SNTG1: variants seen among roughly 807,000 people sequenced by gnomAD.
SNTG1 encodes gamma-1-syntrophin.
In SNTG1, 39 loss-of-function variants were observed where a neutral mutation model predicts 74.7. The ratio of observed to expected loss-of-function variants is 0.52; its 90% confidence interval spans 0.40 to 0.68. SNTG1 has a LOEUF of 0.68. SNTG1 is among the 30% of genes least tolerant of loss of function. The pLI is 0.00. For missense variants in SNTG1, 685 were observed against 609.5 expected, an observed-to-expected ratio of 1.12 and a Z score of -1.30; for synonymous variants, 254 against 217.1, an observed-to-expected ratio of 1.17 and a Z score of -1.49.
intron 1 of SNTG1, among the ~76,000 whole-genome samples, chr8:49,956,311 C>T (rs532332243): frequency 6.6e-6 from 1 of 152,274 alleles, no homozygotes; most frequent in South Asian, 2.1e-4. Flanking sequence ...AACAAACAAC[C>T]CAAACAGTGT....
At chr8:50,516,743 GA>G (rs1439815739) in intron 9 of SNTG1, among the ~76,000 whole-genome samples, 1 of 151,962 alleles carries the variant, frequency 6.6e-6, no homozygotes, top group Non-Finnish European at 1.5e-5. Flanking sequence ...CAAGATTAGA[GA>G]AAAAAGAATG....
chr8:50,147,613 AT>A (rs1056619897), intron 1 of SNTG1, among the ~76,000 whole-genome samples: 1 of 152,126 alleles, frequency 6.6e-6, no homozygotes. Flanking sequence ...TTGATTCAGC[AT>A]TTTTTCTGTC....
chr8:50,769,465 G>A (rs1037288956), intron 18 of SNTG1, among the ~76,000 whole-genome samples: 10 of 151,834 alleles, frequency 6.6e-5, no homozygotes, highest in African/African-American at 1.2e-4. Flanking sequence ...TAGTAACCAA[G>A]TACTGTATTA....
chr8:50,011,601 C>T (rs1240365603), intron 1 of SNTG1, among the ~76,000 whole-genome samples: 4 of 148,620 alleles, frequency 2.7e-5, no homozygotes, highest in African/African-American at 7.3e-5. Flanking sequence ...TACGTGATTC[C>T]AGGTCACTAT....
intron 4 of SNTG1, among the ~76,000 whole-genome samples, chr8:50,433,162 A>G (rs1319476645): frequency 6.6e-6 from 1 of 152,108 alleles, no homozygotes; most frequent in Non-Finnish European, 1.5e-5. Context: ...CCAATTTCTC[A>G]TTGCTGATAT....
In SNTG1 at chr8:50,714,177, C is replaced by A. The variant is rs528961252; in HGVS notation, c.1284+5199C>A. Among the ~76,000 whole-genome samples the A allele has an allele frequency of 3.3e-5, 5 of 151,820 alleles. No individual in the cohort carries two copies. The South Asian group carries it at 1.0e-3, about 32-fold the overall frequency. Reference sequence around the variant, plus strand: ...TGGTGTTATTTCTGATCCCTCTGTTCTCTTCCATTGGTCTATAAATCTGTT... The same window carrying A: ...TGGTGTTATTTCTGATCCCTCTGTTATCTTCCATTGGTCTATAAATCTGTT... On this transcript the variant is annotated intron_variant, in intron 17 of 18. Coordinates refer to ENST00000642720, the MANE Select transcript of SNTG1 (RefSeq NM_018967.5).
rs563770518 is a variant in SNTG1, at chr8:50,700,166, G to A, written c.1039-4434G>A. 2.8e-4 allele frequency among the ~76,000 whole-genome samples: 42 copies of A among 152,258 alleles called. No homozygotes were observed. The South Asian group carries it at 7.7e-3, about 28-fold the overall frequency. On this transcript the variant is annotated intron_variant, in intron 15 of 18. Coordinates refer to ENST00000642720, the MANE Select transcript of SNTG1 (RefSeq NM_018967.5). ...CTTATTTAAACCTATGTGGATAATC[G>A]TGTAAATACTCCTTATTATACTAAT...
intron 1 of SNTG1, among the ~76,000 whole-genome samples, chr8:49,978,026 A>C (rs182064359): frequency 6.6e-6 from 1 of 152,322 alleles, no homozygotes; most frequent in East Asian, 1.9e-4. Context: ...ATTTGTGAAT[A>C]CCTGCAAAAT....
chr8:50,369,108 G>A lies in SNTG1; in HGVS notation c.-27-25104G>A, dbSNP rs10111321. On this transcript the variant is annotated intron_variant, in intron 2 of 18. Transcript: ENST00000642720. ...GGAATGGGATGAATGTATTTTGCAT[G>A]TGATAAGAACATGGATTTGGGGGAA... is the stretch of plus-strand genomic sequence containing the variant. Among the ~76,000 whole-genome samples the A allele has an allele frequency of 5.2e-3, 787 of 152,250 alleles. 5 individuals are homozygous for A. Among genetic ancestry groups the A allele is most frequent in the African/African-American group, 0.018 (745 of 41,534 alleles).
At chr8:50,647,340 C>A (rs896510303) in intron 13 of SNTG1, among the ~76,000 whole-genome samples, 4 of 151,982 alleles carry the variant, frequency 2.6e-5, no homozygotes, top group Admixed American at 2.6e-4. Context: ...CTGAACTACA[C>A]AGAGAACTCT....
At chr8:50,257,539 G>A (rs557659180) in intron 2 of SNTG1, among the ~76,000 whole-genome samples, 73 of 152,276 alleles carry the variant, frequency 4.8e-4, no homozygotes, top group African/African-American at 1.7e-3. Flanking sequence ...GATTTGGTTG[G>A]TGAGCAGTTA....
At chr8:50,373,685 T>G (rs2131168913) in intron 2 of SNTG1, among the ~76,000 whole-genome samples, 1 of 152,346 alleles carries the variant, frequency 6.6e-6, no homozygotes, top group East Asian at 1.9e-4. Context: ...TATGGTTAAA[T>G]GTATATTGGA....
intron 2 of SNTG1, among the ~76,000 whole-genome samples, chr8:50,326,601 G>C (rs908887496): frequency 1.0e-4 from 15 of 150,140 alleles, no homozygotes; most frequent in African/African-American, 3.2e-4. Flanking sequence ...TTCCTAGTTA[G>C]CCTAGCTACT....
At chr8:50,048,700 C>T (rs868471495) in intron 1 of SNTG1, among the ~76,000 whole-genome samples, 30 of 152,050 alleles carry the variant, frequency 2.0e-4, no homozygotes, top group Non-Finnish European at 8.8e-5. Context: ...TTTTTTAATA[C>T]TAATTAGTAA....
chr8:49,921,946 C>T (rs1338558264), intron 1 of SNTG1, among the ~76,000 whole-genome samples: 8 of 152,142 alleles, frequency 5.3e-5, no homozygotes, highest in Admixed American at 2.0e-4. Flanking sequence ...ACATCCATTT[C>T]AGATAACGGT....
At chr8:50,015,171 G>A (rs1816197546) in intron 1 of SNTG1, among the ~76,000 whole-genome samples, 1 of 152,006 alleles carries the variant, frequency 6.6e-6, no homozygotes, top group South Asian at 2.1e-4. Flanking sequence ...TCACACAACA[G>A]AGAATATCAA....
chr8:50,442,684 A>G (rs1287577257), intron 5 of SNTG1, among the ~76,000 whole-genome samples: 7 of 26,074 alleles, frequency 2.7e-4, no homozygotes, highest in Non-Finnish European at 2.1e-3. Context: ...TATCAGTAAA[A>G]AAAAAAAAAA....
intron 1 of SNTG1, among the ~76,000 whole-genome samples, chr8:49,935,448 A>G (rs1237240052): frequency 7.4e-6 from 1 of 135,484 alleles, no homozygotes; most frequent in East Asian, 2.2e-4. Flanking sequence ...AGAGATGCTT[A>G]GGAAGAATTT....
chr8:50,248,074 CCTATTTATAAAGACAT>C (rs1426608219), intron 2 of SNTG1, among the ~76,000 whole-genome samples: 1 of 152,066 alleles, frequency 6.6e-6, no homozygotes, highest in East Asian at 1.9e-4. Flanking sequence ...CCAAATTTCC[CCTATTTATAAAGACAT>C]CTGTCATATT....
Sources: gnomAD v4.1 joint callset for allele counts (sites outside exome capture counted in the v4.1 genomes callset) on GRCh38, gnomAD v4.1.1 for gene constraint, MANE v1.5 for transcripts, NCBI Gene and HGNC (gene_info 2026-07-23, HGNC 2026-07-21) for gene names.